The following PLA2G12B variants were observed in gnomAD, a reference collection of about 807,000 sequenced individuals.
PLA2G12B encodes phospholipase A2 group XIIB.
PLA2G12B carries 19 observed loss-of-function variants against 22.3 expected under a neutral mutation model. That is an observed-to-expected ratio of 0.85 (90% CI 0.60 to 1.25). The LOEUF (loss-of-function observed/expected upper bound fraction) is 1.25. PLA2G12B is among the 50% of genes most tolerant of loss of function. PLA2G12B has a pLI of 0.00. For synonymous variants in PLA2G12B, 81 were observed against 94.9 expected (o/e 0.85, Z 0.85); for missense variants, 191 against 246.6 (o/e 0.77, Z 1.51).
intron 1 of PLA2G12B, among the ~76,000 whole-genome samples, chr10:72,952,473 TC>T (rs1433779222): frequency 6.6e-6 from 1 of 152,226 alleles, no homozygotes; most frequent in African/African-American, 2.4e-5. Context: ...TCTGGTTGAA[TC>T]TGCCCTCCAG....
rs1589548994 is a variant in PLA2G12B at position 72,954,147 on chromosome 10, G to T, written c.211+328C>A. Among the ~76,000 whole-genome samples the T allele has an allele frequency of 3.9e-5, 6 of 152,076 alleles. 1 individual carries two copies. Among genetic ancestry groups the T allele is most frequent in the Admixed American group, 3.9e-4 (6 of 15,286 alleles). On this transcript the variant is annotated intron_variant, in intron 1 of 3. Transcript: ENST00000373032. ...CAGGTACCCTTTTTTCCTAAGAACT[G>T]CCTCACAACAAACTCATTAAAATGG...
chr10:72,953,640 G>A (rs1442271782), intron 1 of PLA2G12B, among the ~76,000 whole-genome samples: 2 of 152,108 alleles, frequency 1.3e-5, no homozygotes, highest in African/African-American at 2.4e-5. Context: ...CAAGGCCTGG[G>A]GCTCCACATT....
chr10:72,939,759 C>T (rs1050393499), intron 3 of PLA2G12B, among the ~76,000 whole-genome samples: 5 of 152,084 alleles, frequency 3.3e-5, no homozygotes, highest in African/African-American at 1.2e-4. Context: ...CCAGAAATGC[C>T]CAAGATAATG....
chr10:72,945,013 G>A (rs955983454), intron 1 of PLA2G12B, among the ~76,000 whole-genome samples: 4 of 152,194 alleles, frequency 2.6e-5, no homozygotes, highest in Non-Finnish European at 5.9e-5. Context: ...GAAATGAAGT[G>A]GGCAGCCATG....
rs1253127892 is a variant in PLA2G12B at position 72,934,961 on chromosome 10, C to T, written c.*656G>A. Among the ~76,000 whole-genome samples the T allele has an allele frequency of 6.6e-6, 1 of 152,116 alleles. No homozygotes were observed. Among genetic ancestry groups the T allele is most frequent in the Non-Finnish European group, 1.5e-5 (1 of 68,032 alleles). ...TGGGAATACCAATGGGGTAGGTCAC[C>T]GGAGGGAAAAATGAATCCTCAGAGA... On this transcript the variant is annotated 3_prime_UTR_variant, in exon 4 of 4. Coordinates refer to ENST00000373032, the MANE Select transcript of PLA2G12B (RefSeq NM_032562.5).
intron 1 of PLA2G12B, among the ~76,000 whole-genome samples, chr10:72,952,891 T>C (rs1420588918): frequency 2.0e-5 from 3 of 152,214 alleles, no homozygotes; most frequent in Non-Finnish European, 4.4e-5. Context: ...TTTAATGCTG[T>C]TTTGCTAGAG....
intron 3 of PLA2G12B, among the ~76,000 whole-genome samples, chr10:72,938,924 A>G (rs1846318346): frequency 6.6e-6 from 1 of 152,256 alleles, no homozygotes; most frequent in African/African-American, 2.4e-5. Flanking sequence ...TTTACTGCAT[A>G]ACGACAGTAA....
rs192936421 is a variant in PLA2G12B, at chr10:72,942,882, A to G, written c.212-142T>C. The G allele has an allele frequency of 1.2e-4, 67 of 544,870 alleles. 1 individual carries two copies. In the Middle Eastern group the frequency reaches 2.9e-3, roughly 23 times the overall value. 33.8% of individuals were successfully genotyped at this position (544,870 alleles called of 1,614,324 possible). On this transcript the variant is annotated intron_variant, in intron 1 of 3. Coordinates refer to ENST00000373032, the MANE Select transcript of PLA2G12B (RefSeq NM_032562.5). ...CTGTTCCTCACATCCAAATCAGGTG[A>G]TGATGATGATGATGATGTCACAGAA...
rs1371079444 is a variant in PLA2G12B, at chr10:72,954,591, GA to G, written c.94del (p.Ser32GlnfsTer77). ...DTSPDTEESY[S>X]DWGLRHLRGS... ...CCGGAGGTGCCGAAGGCCCCAGTCT[GA>G]ATAGGACTCCTCCGTGTCAGGGCTC... On this transcript the variant is annotated frameshift_variant, in exon 1 of 4. Transcript: ENST00000373032. LOFTEE classifies it high-confidence loss of function. The G allele has an allele frequency of 6.2e-7, 1 of 1,614,094 alleles. No individual in the cohort carries two copies. The highest frequency in any genetic ancestry group is 1.7e-5 in the Admixed American group (1 of 60,004).
intron 1 of PLA2G12B, among the ~76,000 whole-genome samples, chr10:72,944,891 A>C (rs1040808003): frequency 5.3e-5 from 8 of 152,216 alleles, no homozygotes; most frequent in Non-Finnish European, 1.0e-4. Context: ...GGAAGGGTCC[A>C]GCCCCTCTCT....
chr10:72,948,924 C>T (rs185911338), intron 1 of PLA2G12B, among the ~76,000 whole-genome samples: 252 of 152,294 alleles, frequency 1.7e-3, no homozygotes, highest in African/African-American at 5.7e-3. Flanking sequence ...TACCTGCCAG[C>T]GGTAGACACT....
rs1370470969 is a variant in PLA2G12B, at chr10:72,935,554, C to T, written c.*63G>A. 67 of 1,598,764 alleles carry T rather than the reference C, an allele frequency of 4.2e-5. No individual in the cohort carries two copies. Among genetic ancestry groups the T allele is most frequent in the Non-Finnish European group, 5.5e-5 (64 of 1,171,376 alleles). On this transcript the variant is annotated 3_prime_UTR_variant, in exon 4 of 4. Transcript: ENST00000373032. ...CGAATGAGTCACGCTGACTCGAAGA[C>T]TTGACATCTTGAAGGCTGACAGCTG...
Position 72,954,558 on chromosome 10 carries a change from A to T in PLA2G12B, c.128T>A (p.Phe43Tyr), listed in dbSNP as rs1564606528. 6.2e-7 allele frequency: 1 copy of T among 1,614,202 alleles called. No homozygotes were observed. Among genetic ancestry groups the T allele is most frequent in the Non-Finnish European group, 8.5e-7 (1 of 1,180,040 alleles). The change falls in exon 1 of 4, where the codon TTT becomes TAT. Residue 43 changes from phenylalanine to tyrosine, a missense_variant. Physicochemically the swap from Phe to Tyr is conservative, Grantham distance 22 (BLOSUM62 3). Transcript: ENST00000373032. Reference protein sequence around the residue: ...DWGLRHLRGSFESVNSYFDSF... With the variant: ...DWGLRHLRGSYESVNSYFDSF... ...ATCGAAGTAGCTATTGACGGATTCAAAGCTTCCCCGGAGGTGCCGAAGGCC... is the reference window on the plus strand; with the variant it reads ...ATCGAAGTAGCTATTGACGGATTCATAGCTTCCCCGGAGGTGCCGAAGGCC...
chr10:72,940,085 A>G (rs2132964625), intron 3 of PLA2G12B, among the ~76,000 whole-genome samples: 1 of 152,300 alleles, frequency 6.6e-6, no homozygotes, highest in South Asian at 2.1e-4. Flanking sequence ...CCTCTGCAGA[A>G]ACAGAATAGA....
At chr10:72,951,452 CTTTTTTT>C (rs71482537) in intron 1 of PLA2G12B, among the ~76,000 whole-genome samples, 1 of 117,136 alleles carries the variant, frequency 8.5e-6, no homozygotes, top group Admixed American at 8.5e-5. Flanking sequence ...GCACAGACTC[CTTTTTTT>C]TTTTTTTTTT....
In PLA2G12B at chr10:72,935,541, G is replaced by A. The variant is rs1244944830; in HGVS notation, c.*76C>T. 1.9e-6 allele frequency: 3 copies of A among 1,574,742 alleles called. No homozygotes were observed. The highest frequency in any genetic ancestry group is 2.7e-5 in the African/African-American group (2 of 74,064). On this transcript the variant is annotated 3_prime_UTR_variant, in exon 4 of 4. Transcript: ENST00000373032. The stretch of plus-strand genomic sequence containing the variant: ...ACTGTTGGAAGAACGAATGAGTCAC[G>A]CTGACTCGAAGACTTGACATCTTGA...
At chr10:72,953,583 G>A (rs1410419199) in intron 1 of PLA2G12B, among the ~76,000 whole-genome samples, 1 of 152,136 alleles carries the variant, frequency 6.6e-6, no homozygotes, top group African/African-American at 2.4e-5. Context: ...GCATGCTTTG[G>A]AAAACGTTTT....
At chr10:72,945,300 T>C (rs187643996) in intron 1 of PLA2G12B, among the ~76,000 whole-genome samples, 1 of 152,322 alleles carries the variant, frequency 6.6e-6, no homozygotes, top group Admixed American at 6.5e-5. Context: ...CCATGATTTC[T>C]GTCTTGGGCT....
chr10:72,942,545 GT>G, intron 2 of PLA2G12B, 106 bp downstream of exon 2: 1 of 866,992 alleles, frequency 1.2e-6, no homozygotes. Context: ...ATACTTAATT[GT>G]ATTCTTCAAC....
Sources: gnomAD v4.1 joint callset for allele counts (sites outside exome capture counted in the v4.1 genomes callset) on GRCh38, gnomAD v4.1.1 for gene constraint, MANE v1.5 for transcripts, NCBI Gene and HGNC (gene_info 2026-07-23, HGNC 2026-07-21) for gene names.